Variants in ZNF473 observed in about 807,000 individuals in gnomAD.
ZNF473 encodes the protein zinc finger protein 473.
Under a neutral mutation model 11.1 loss-of-function variants are expected in ZNF473, and 4 were observed. The observed-to-expected ratio is 0.36, with a 90% CI of 0.18 to 0.82. The LOEUF (loss-of-function observed/expected upper bound fraction) is 0.82, where lower values mean the gene tolerates loss of function less well. Among genes scored for constraint, ZNF473 ranks in the 40% least tolerant of loss-of-function variants. The pLI is 0.49. For synonymous variants in ZNF473, 404 were observed against 390.4 expected (o/e 1.03, Z -0.41); for missense variants, 854 against 1,084.0 (o/e 0.79, Z 2.98).
At position 50,046,735 on chromosome 19, in the gene ZNF473, G is replaced by A; in HGVS notation, c.2292G>A (p.Gly764=). ...GEKPYVCQEC[G]KAFTQSSCLS... Reference sequence around the variant, plus strand: ...AGCCTTATGTTTGTCAGGAATGCGGGAAAGCCTTCACCCAGAGCTCATGCC... The same window carrying A: ...AGCCTTATGTTTGTCAGGAATGCGGAAAAGCCTTCACCCAGAGCTCATGCC... The change falls in exon 5 of 5, where the codon GGG becomes GGA. Residue 764 remains glycine (G), a synonymous_variant. Transcript: ENST00000270617. The surrounding 1 kb of genome is among the most constrained non-coding windows in gnomAD (Gnocchi z 5.9). 1 of 1,614,172 alleles carries A rather than the reference G, an allele frequency of 6.2e-7. No homozygotes were observed. The highest frequency in any genetic ancestry group is 8.5e-7 in the Non-Finnish European group (1 of 1,180,016).
At chr19:50,034,324 C>T (rs2122813901) in intron 2 of ZNF473, among the ~76,000 whole-genome samples, 2 of 152,316 alleles carry the variant, frequency 1.3e-5, no homozygotes, top group South Asian at 4.1e-4. Context: ...CCTTTGACTC[C>T]CTGCTTCTGC....
Position 50,046,156 on chromosome 19 carries a change from T to G in ZNF473, c.1713T>G (p.Phe571Leu). 1.9e-6 allele frequency: 3 copies of G among 1,614,132 alleles called. No homozygotes were observed. Among genetic ancestry groups the G allele is most frequent in the Non-Finnish European group, 2.5e-6 (3 of 1,180,028 alleles). ...AGTGTAACAAATGTGAGAAAACCTT[T>G]AGCTGCAGCAAATACCTAACTCAGC... ...CFKCNKCEKT[F>L]SCSKYLTQHE... Residue 571 changes from phenylalanine to leucine, a missense_variant, in exon 5 of 5, where the codon TTT (phenylalanine) becomes TTG (leucine). Transcript: ENST00000270617. This position sits in a 1 kb window ranked among gnomAD's most constrained non-coding sequence, Gnocchi z 5.9.
intron 4 of ZNF473, among the ~76,000 whole-genome samples, chr19:50,043,745 G>A (rs1159662583): frequency 6.6e-6 from 1 of 152,098 alleles, no homozygotes; most frequent in Non-Finnish European, 1.5e-5. Context: ...AACCTGTTAT[G>A]GTAGAGGATG....
At chr19:50,028,894 A>T (rs1373304047) in intron 1 of ZNF473, among the ~76,000 whole-genome samples, 2 of 152,224 alleles carry the variant, frequency 1.3e-5, no homozygotes, top group Non-Finnish European at 2.9e-5. Context: ...ATTGTTCAGT[A>T]GAATTAGCAT....
chr19:50,038,191 A>AAATTAT (rs1568407306), intron 2 of ZNF473, among the ~76,000 whole-genome samples: 6 of 143,088 alleles, frequency 4.2e-5, no homozygotes, highest in African/African-American at 1.6e-4. Flanking sequence ...ATAAATTTAT[A>AAATTAT]AATTTATAAA....
Position 50,045,273 on chromosome 19 carries a change from G to GT in ZNF473, c.831dup (p.Thr278TyrfsTer16). ...GAATATGGGACAACTTTTAGTCAGA[G>GT]TACATACCTGTGGCATCAGAAAACT... On this transcript the variant is annotated frameshift_variant, in exon 5 of 5. Coordinates refer to ENST00000270617, the MANE Select transcript of ZNF473 (RefSeq NM_015428.4). LOFTEE classifies it low-confidence loss of function (END_TRUNC). The GT allele has an allele frequency of 6.2e-7, 1 of 1,614,164 alleles. No homozygotes were observed. The highest frequency in any genetic ancestry group is 8.5e-7 in the Non-Finnish European group (1 of 1,180,046).
Position 50,039,870 on chromosome 19 carries a change from C to T in ZNF473, c.136+583C>T, listed in dbSNP as rs761875877. Among the ~76,000 whole-genome samples the T allele has an allele frequency of 2.4e-4, 36 of 152,200 alleles. No homozygotes were observed. Among genetic ancestry groups the T allele is most frequent in the Non-Finnish European group, 4.7e-4 (32 of 68,034 alleles). On this transcript the variant is annotated intron_variant, in intron 3 of 4. Transcript: ENST00000270617. The surrounding 1 kb of genome is among the most constrained non-coding windows in gnomAD (Gnocchi z 4.8). The stretch of plus-strand genomic sequence containing the variant: ...GAGCGGGAGCTGTGTGAGGACAGGG[C>T]GTGTCCCCAGTGTTTGGAACGAACA...
Position 50,031,181 on chromosome 19 carries a change from T to C in ZNF473, c.9+90T>C, listed in dbSNP as rs377269897. The C allele has an allele frequency of 2.5e-4, 386 of 1,517,216 alleles. No individual in the cohort carries two copies. In the African/African-American group the frequency reaches 5.1e-3, roughly 20 times the overall value. The allele number at this position is 1,517,216 out of a possible 1,614,324, so 94.0% of individuals were successfully genotyped here. A position where few individuals can be genotyped will look rare whatever the true frequency, so the allele number is the denominator to read the frequency against. ...GTGGCCGAGGCGAGTTGAAGGTCGC[T>C]CTGTGTTGATTGGTCACCCCCATGG... is the stretch of plus-strand genomic sequence containing the variant. On this transcript the variant is annotated intron_variant, in intron 2 of 4. Coordinates refer to ENST00000270617, the MANE Select transcript of ZNF473 (RefSeq NM_015428.4).
chr19:50,041,106 G>C (rs1465935081), intron 3 of ZNF473: 1 of 152,226 alleles, frequency 6.6e-6, no homozygotes, highest in African/African-American at 2.4e-5. Flanking sequence ...CGAGGTGTTG[G>C]CAGGGCCACC....
At position 50,045,028 on chromosome 19, in the gene ZNF473, C is replaced by T. The variant is rs369837267; in HGVS notation, c.585C>T (p.Asp195=). Residue 195 remains aspartate, a synonymous_variant, in exon 5 of 5, where the codon GAC becomes GAT. Transcript: ENST00000270617. ...GGGGTGAGTTTTTCTCCTACTCCGA[C>T]CACAGCCAGCAGGATTCTGTTCAGG... ...EYRGEFFSYS[D]HSQQDSVQEG... is the part of the protein sequence containing the mutation. 5.0e-6 allele frequency: 8 copies of T among 1,614,074 alleles called. No individual in the cohort carries two copies. Among genetic ancestry groups the T allele is most frequent in the African/African-American group, 2.7e-5 (2 of 74,930 alleles).
At chr19:50,026,603 G>A (rs2077281122) in intron 1 of ZNF473, among the ~76,000 whole-genome samples, 1 of 151,776 alleles carries the variant, frequency 6.6e-6, no homozygotes, top group Admixed American at 6.6e-5. Context: ...AGGCTGAGGT[G>A]GGCGGATCGC....
chr19:50,028,160 T>A (rs2122793044), intron 1 of ZNF473, among the ~76,000 whole-genome samples: 1 of 151,978 alleles, frequency 6.6e-6, no homozygotes, highest in South Asian at 2.1e-4. Context: ...TCTCCGGGCG[T>A]GGTGGCAGGC....
intron 4 of ZNF473, 81 bp from the exon 5 acceptor site, chr19:50,044,589 C>T: frequency 8.4e-7 from 1 of 1,195,664 alleles, no homozygotes; most frequent in Non-Finnish European, 1.2e-6. Flanking sequence ...ATAGGCTGGA[C>T]TCAAGATCTA....
At chr19:50,031,218 G>T in intron 2 of ZNF473, 127 bp downstream of exon 2, 4 of 1,328,838 alleles carry the variant, frequency 3.0e-6, no homozygotes, top group Non-Finnish European at 3.2e-6. Flanking sequence ...AGGAAAGCTG[G>T]CCTTCCTTTG....
At position 50,044,779 on chromosome 19, in the gene ZNF473, C is replaced by T. The variant is rs755936466; in HGVS notation, c.336C>T (p.Phe112=). 68 of 1,614,090 alleles carry T rather than the reference C, an allele frequency of 4.2e-5. No homozygotes were observed. The East Asian group carries it at 7.8e-4, about 19-fold the overall frequency. Residue 112 remains phenylalanine, a synonymous_variant, in exon 5 of 5, where the codon TTC becomes TTT. Transcript: ENST00000270617. ...AGGATGGCTTCTGGAACTCCAATTT[C>T]GGAGAAGCCTGTATAGAGGACACCT... ...LSKDGFWNSN[F]GEACIEDTWL...
In ZNF473 at chr19:50,045,652, T is replaced by C. The variant is rs765349212; in HGVS notation, c.1209T>C (p.Tyr403=). 3 of 1,613,970 alleles carry C rather than the reference T, an allele frequency of 1.9e-6. No homozygotes were observed. The highest frequency in any genetic ancestry group is 1.3e-5 in the African/African-American group (1 of 74,884). ...CTCTTCATGCTGGAGAGGAGCCTTATAAGTGTAACGAACGTGGGAAATCCT... is the reference window on the plus strand; with the variant it reads ...CTCTTCATGCTGGAGAGGAGCCTTACAAGTGTAACGAACGTGGGAAATCCT... The part of the protein sequence containing the change: ...HQALHAGEEP[Y]KCNERGKSFR... Residue 403 remains tyrosine (Y), a synonymous_variant, in exon 5 of 5, where the codon TAT becomes TAC. Coordinates refer to ENST00000270617, the MANE Select transcript of ZNF473 (RefSeq NM_015428.4).
At position 50,045,210 on chromosome 19, in the gene ZNF473, C is replaced by T. The variant is rs76128611; in HGVS notation, c.767C>T (p.Pro256Leu). 7,397 of 1,614,086 alleles carry T rather than the reference C, an allele frequency of 4.6e-3. 23 individuals carry two copies. The highest frequency in any genetic ancestry group is 5.5e-3 in the Non-Finnish European group (6,511 of 1,180,020). The change falls in exon 5 of 5, where the codon CCG becomes CTG. Residue 256 changes from proline (P) to leucine (L), a missense_variant. Around this residue, in one of 2 missense-constraint regions of ZNF473, gnomAD observed 668 missense variants for 790.2 expected, o/e 0.85. Coordinates refer to ENST00000270617, the MANE Select transcript of ZNF473 (RefSeq NM_015428.4). ...FDRNASLSVY[P>L]KTHTGYKFYV... is the part of the protein sequence containing the mutation. The stretch of plus-strand genomic sequence containing the variant: ...CGGAATGCTTCCCTTTCTGTGTATC[C>T]GAAAACTCACACGGGCTACAAATTC...
chr19:50,046,697 C>T lies in ZNF473; in HGVS notation c.2254C>T (p.His752Tyr). 3.7e-6 allele frequency: 6 copies of T among 1,614,220 alleles called. No homozygotes were observed. Among genetic ancestry groups the T allele is most frequent in the Non-Finnish European group, 5.1e-6 (6 of 1,180,024 alleles). ...SAELVRHQRI[H>Y]TGEKPYVCQE... ...TGAGCTTGTCCGCCACCAGAGAATT[C>T]ACACTGGAGAAAAGCCTTATGTTTG... The change falls in exon 5 of 5, where the codon CAC becomes TAC. Residue 752 changes from histidine (H) to tyrosine (Y), a missense_variant. This residue lies in a region of ZNF473 where 186 missense variants were observed against 293.8 expected (regional missense o/e 0.63). Coordinates refer to ENST00000270617, the MANE Select transcript of ZNF473 (RefSeq NM_015428.4). This position sits in a 1 kb window ranked among gnomAD's most constrained non-coding sequence, Gnocchi z 5.9.
intron 2 of ZNF473, among the ~76,000 whole-genome samples, chr19:50,033,579 C>T (rs2077328997): frequency 6.6e-6 from 1 of 152,174 alleles, no homozygotes; most frequent in Non-Finnish European, 1.5e-5. Flanking sequence ...GGTCTTACTG[C>T]TGCTGTAACA....
Sources: allele counts gnomAD v4.1 joint callset (sites outside exome capture counted in the v4.1 genomes callset), GRCh38; gene constraint gnomAD v4.1.1; regional missense constraint gnomAD v4.1.1; non-coding constraint Gnocchi (gnomAD v3.1); transcripts MANE v1.5; gene names NCBI Gene and HGNC (gene_info 2026-07-23, HGNC 2026-07-21).